SCTR: variants seen among roughly 807,000 people sequenced by gnomAD.
SCTR encodes secretin receptor.
In SCTR, 56 loss-of-function variants were observed where a neutral mutation model predicts 60.8. That is an observed-to-expected ratio of 0.92 (90% confidence interval 0.74 to 1.15). SCTR has a LOEUF of 1.15. Among genes scored for constraint, SCTR ranks in the 50% most tolerant of loss-of-function variants. The probability of loss-of-function intolerance (pLI) is 0.00; values close to 1 mark genes in which losing one functional copy is unlikely to be tolerated. For synonymous variants in SCTR, 202 were observed against 217.0 expected (o/e 0.93, Z 0.61); for missense variants, 562 against 550.4 (o/e 1.02, Z -0.21).
At chr2:119,448,298 TTA>T (rs1683009376) in intron 10 of SCTR, among the ~76,000 whole-genome samples, 1 of 152,242 alleles carries the variant, frequency 6.6e-6, no homozygotes, top group African/African-American at 2.4e-5. Flanking sequence ...TTGAAAGGTC[TTA>T]AGTGTTTTTG....
chr2:119,448,720 C>T lies in SCTR; in HGVS notation c.982G>A (p.Glu328Lys). 6.2e-7 allele frequency: 1 copy of T among 1,602,072 alleles called. No individual in the cohort carries two copies. The highest frequency in any genetic ancestry group is 8.6e-7 in the Non-Finnish European group (1 of 1,169,022). ...TGGCTGACTTCATTTCCTCTTGTTT[C>T]TTGGGTTCTAAGTTTTCTCATCAGG... is the stretch of plus-strand genomic sequence containing the variant. ...RILMRKLRTQETRGNEVSHYK... is the reference protein window; with the variant it reads ...RILMRKLRTQKTRGNEVSHYK... Residue 328 changes from glutamate to lysine, a missense_variant, in exon 10 of 13, where the codon GAA (glutamate) becomes AAA (lysine). Coordinates refer to ENST00000019103, the MANE Select transcript of SCTR (RefSeq NM_002980.3).
intron 10 of SCTR, 120 bp from the exon 11 acceptor site, chr2:119,447,005 C>T: frequency 4.7e-6 from 5 of 1,069,082 alleles, no homozygotes; most frequent in Non-Finnish European, 6.1e-6. Flanking sequence ...GCTAGCAGTA[C>T]CCCAAACTTT....
chr2:119,462,438 T>C (rs953920126), intron 6 of SCTR, among the ~76,000 whole-genome samples: 4 of 152,190 alleles, frequency 2.6e-5, no homozygotes, highest in African/African-American at 9.7e-5. Context: ...TGCAAACACA[T>C]AATGAAGGGA....
intron 1 of SCTR, among the ~76,000 whole-genome samples, chr2:119,508,532 G>A (rs149598945): frequency 0.017 from 2,572 of 151,304 alleles, 40 homozygotes; most frequent in Non-Finnish European, 0.025. Flanking sequence ...GACTACAGGC[G>A]CATACCACCA....
At chr2:119,512,883 T>C (rs566597193) in intron 1 of SCTR, among the ~76,000 whole-genome samples, 1 of 152,358 alleles carries the variant, frequency 6.6e-6, no homozygotes, top group Admixed American at 6.5e-5. Flanking sequence ...ATATTAGTTG[T>C]ACGTCTTAAG....
chr2:119,493,952 A>T (rs1678245483), intron 2 of SCTR, among the ~76,000 whole-genome samples: 2 of 152,104 alleles, frequency 1.3e-5, no homozygotes, highest in Non-Finnish European at 2.9e-5. Flanking sequence ...CCTCCATTCT[A>T]TAAATCAGAA....
intron 8 of SCTR, among the ~76,000 whole-genome samples, chr2:119,452,292 C>T (rs1385918951): frequency 1.3e-5 from 2 of 152,132 alleles, no homozygotes; most frequent in Non-Finnish European, 2.9e-5. Flanking sequence ...TGTCTCCCTG[C>T]GAGAACCTGA....
chr2:119,476,120 C>T (rs1677287593), intron 3 of SCTR, among the ~76,000 whole-genome samples: 1 of 152,170 alleles, frequency 6.6e-6, no homozygotes, highest in Non-Finnish European at 1.5e-5. Context: ...AGCACCTTGT[C>T]CTCACTGGGC....
intron 1 of SCTR, among the ~76,000 whole-genome samples, chr2:119,507,639 G>A (rs1244227352): frequency 4.7e-5 from 7 of 149,030 alleles, no homozygotes; most frequent in South Asian, 2.2e-4. Context: ...ATGAAAGTCC[G>A]CATTCCATTT....
chr2:119,466,720 C>T (rs1364359730), intron 4 of SCTR, among the ~76,000 whole-genome samples: 1 of 152,132 alleles, frequency 6.6e-6, no homozygotes, highest in African/African-American at 2.4e-5. Flanking sequence ...CACTGCACTC[C>T]AGCCTGGATG....
At chr2:119,448,992 C>G (rs976875260) in intron 9 of SCTR, among the ~76,000 whole-genome samples, 7 of 152,202 alleles carry the variant, frequency 4.6e-5, no homozygotes, top group Non-Finnish European at 8.8e-5. Context: ...AGCACTCCCT[C>G]CTGCCCCTGG....
At chr2:119,507,455 T>C (rs543566001) in intron 1 of SCTR, among the ~76,000 whole-genome samples, 1 of 152,242 alleles carries the variant, frequency 6.6e-6, no homozygotes, top group South Asian at 2.1e-4. Flanking sequence ...TAAGTGAACA[T>C]GTCAACAGAG....
intron 2 of SCTR, among the ~76,000 whole-genome samples, chr2:119,492,759 C>G (rs1388613232): frequency 6.6e-6 from 1 of 152,116 alleles, no homozygotes; most frequent in African/African-American, 2.4e-5. Flanking sequence ...TAATTTGTCT[C>G]TACAGGTTTG....
intron 2 of SCTR, among the ~76,000 whole-genome samples, chr2:119,482,261 C>T (rs1054395644): frequency 1.3e-5 from 2 of 152,148 alleles, no homozygotes; most frequent in African/African-American, 2.4e-5. Flanking sequence ...TGGCCTAGAG[C>T]GGGGCAGGTG....
chr2:119,471,981 A>G (rs192024496), intron 4 of SCTR, among the ~76,000 whole-genome samples: 1 of 152,354 alleles, frequency 6.6e-6, no homozygotes, highest in African/African-American at 2.4e-5. Flanking sequence ...TTAAGTGCAC[A>G]AACAAATATT....
At position 119,461,843 on chromosome 2, in the gene SCTR, A is replaced by T. The variant is rs747766394; in HGVS notation, c.790+4T>A. The T allele has an allele frequency of 6.2e-7, 1 of 1,610,806 alleles. No individual in the cohort carries two copies. The highest frequency in any genetic ancestry group is 8.5e-7 in the Non-Finnish European group (1 of 1,178,302). ...GCAGATATCAGACCCAGGGAGAAAC[A>T]TACCCCATCCGAATGCCACAAATCC... On this transcript the variant is annotated splice_donor_region_variant and intron_variant, in intron 7 of 12. Transcript: ENST00000019103.
chr2:119,504,831 G>A (rs1678679129), intron 1 of SCTR, among the ~76,000 whole-genome samples: 1 of 152,122 alleles, frequency 6.6e-6, no homozygotes, highest in African/African-American at 2.4e-5. Flanking sequence ...TTCAAGGAAG[G>A]AATAATATCT....
At chr2:119,477,437 T>TTTTG (rs72343036) in intron 3 of SCTR, among the ~76,000 whole-genome samples, 2,797 of 151,242 alleles carry the variant, frequency 0.018, 43 homozygotes, top group African/African-American at 0.035. Flanking sequence ...TCTGGACGTT[T>TTTTG]TTTGTTTGTT....
chr2:119,496,428 G>A (rs1305099074), intron 1 of SCTR, among the ~76,000 whole-genome samples: 1 of 152,088 alleles, frequency 6.6e-6, no homozygotes, highest in Non-Finnish European at 1.5e-5. Context: ...TTCTGTCACA[G>A]CTTTATATAT....
Sources: allele counts gnomAD v4.1 joint callset (sites outside exome capture counted in the v4.1 genomes callset), GRCh38; gene constraint gnomAD v4.1.1; transcripts MANE v1.5; gene names NCBI Gene and HGNC (gene_info 2026-07-23, HGNC 2026-07-21).